Variants in FBN1 observed in about 807,000 individuals in gnomAD.
FBN1 encodes fibrillin 1.
Under a neutral mutation model 365.1 loss-of-function variants are expected in FBN1, and 29 were observed. The ratio of observed to expected loss-of-function variants is 0.08; its 90% CI spans 0.06 to 0.11. The LOEUF (loss-of-function observed/expected upper bound fraction) is 0.11, where lower values mean the gene tolerates loss of function less well. Ranked by LOEUF, FBN1 falls within the 10% of genes least tolerant of loss-of-function variation. FBN1 has a pLI of 1.00. For missense variants in FBN1, 2,476 were observed against 3,703.2 expected, an observed-to-expected ratio of 0.67 and a Z score of 8.60; for synonymous variants, 1,210 against 1,270.5, an observed-to-expected ratio of 0.95 and a Z score of 1.01.
intron 9 of FBN1, among the ~76,000 whole-genome samples, chr15:48,525,192 T>C (rs547797331): frequency 1.3e-5 from 2 of 152,158 alleles, no homozygotes; most frequent in Admixed American, 1.3e-4. Context: ...CTTCCAGTGA[T>C]TCTCCTGCTT....
Position 48,590,088 on chromosome 15 carries a change from AT to A in FBN1, c.538+6194del, listed in dbSNP as rs2044466649. ...TGGAGAATGGGAGTTAGCCTGTGGC[AT>A]TACCTTGGGAACTTTAGTGATAGCC... On this transcript the variant is annotated intron_variant, in intron 6 of 65. Coordinates refer to ENST00000316623, the MANE Select transcript of FBN1 (RefSeq NM_000138.5). Among the ~76,000 whole-genome samples the A allele has an allele frequency of 2.0e-5, 3 of 152,232 alleles. No individual in the cohort carries two copies. In the South Asian group the frequency reaches 6.2e-4, roughly 31 times the overall value.
At chr15:48,589,609 CTTTTTTTTTTTTTTTTT>C (rs756647308) in intron 6 of FBN1, among the ~76,000 whole-genome samples, 1 of 108,720 alleles carries the variant, frequency 9.2e-6, no homozygotes, top group Non-Finnish European at 1.8e-5. Flanking sequence ...TTGTTACTTT[CTTTTTTTTTTTTTTTTT>C]TTTTTGAGAT....
rs61007867 is a variant in FBN1, at chr15:48,532,611, G to A, written c.862+1469C>T. 9.9e-3 allele frequency among the ~76,000 whole-genome samples: 1,508 copies of A among 152,096 alleles called. 22 individuals carry two copies. Among genetic ancestry groups the A allele is most frequent in the African/African-American group, 0.035 (1,437 of 41,478 alleles). ...TGGCTCAGCAAGCACCAGAGTGTGA[G>A]TTAAAGAGGTAAATTTGAGCAGTCT... On this transcript the variant is annotated intron_variant, in intron 8 of 65. Transcript: ENST00000316623.
intron 24 of FBN1, 31 bp downstream of exon 24, chr15:48,492,430 T>C: frequency 6.2e-7 from 1 of 1,604,146 alleles, no homozygotes. Flanking sequence ...TAATAAATTA[T>C]TATTAGAAAA....
chr15:48,583,993 G>C (rs2044416740), intron 6 of FBN1, among the ~76,000 whole-genome samples: 1 of 152,066 alleles, frequency 6.6e-6, no homozygotes, highest in Admixed American at 6.6e-5. Context: ...ACTTCTAAGT[G>C]GAAAAAATGG....
chr15:48,448,520 C>A (rs1157153125), intron 46 of FBN1, among the ~76,000 whole-genome samples: 1 of 152,008 alleles, frequency 6.6e-6, no homozygotes, highest in Non-Finnish European at 1.5e-5. Flanking sequence ...GTATTAATAT[C>A]TTTTTCAATT....
Position 48,410,981 on chromosome 15 carries a change from G to C in FBN1, c.*9C>G. On this transcript the variant is annotated 3_prime_UTR_variant, in exon 66 of 66. Coordinates refer to ENST00000316623, the MANE Select transcript of FBN1 (RefSeq NM_000138.5). ...TTTTCTTTTAATTATTTGGTCTCTG[G>C]ATGGTGAATTAATGAAGCAAAACCT... 6.2e-7 allele frequency: 1 copy of C among 1,612,090 alleles called. No individual in the cohort carries two copies.
chr15:48,591,854 C>T (rs2044479942), intron 6 of FBN1, among the ~76,000 whole-genome samples: 1 of 152,000 alleles, frequency 6.6e-6, no homozygotes, highest in South Asian at 2.1e-4. Flanking sequence ...CCAAGTACTA[C>T]ACAGTGGCTA....
At chr15:48,600,322 G>A in intron 4 of FBN1, 88 bp from the exon 5 acceptor site, 1 of 940,698 alleles carries the variant, frequency 1.1e-6, no homozygotes, top group Non-Finnish European at 1.7e-6. Flanking sequence ...GTTATTTGAA[G>A]AGAAAATCAA....
chr15:48,468,285 G>A, intron 37 of FBN1, 127 bp downstream of exon 37: 1 of 1,380,208 alleles, frequency 7.2e-7, no homozygotes, highest in East Asian at 2.4e-5. Context: ...TGAATCTAAA[G>A]TAGAGTTAGG....
chr15:48,576,039 G>A (rs889604512), intron 6 of FBN1, among the ~76,000 whole-genome samples: 1 of 152,100 alleles, frequency 6.6e-6, no homozygotes, highest in African/African-American at 2.4e-5. Context: ...AAACTCACAT[G>A]GAGTGGTCTC....
At chr15:48,435,402 C>T (rs2141237961) in intron 53 of FBN1, among the ~76,000 whole-genome samples, 1 of 151,648 alleles carries the variant, frequency 6.6e-6, no homozygotes, top group East Asian at 1.9e-4. Context: ...TTTGGCCTTA[C>T]ATTACATCAC....
Position 48,613,734 on chromosome 15 carries a change from C to T in FBN1, c.165-642G>A, listed in dbSNP as rs533227656. ...CTTGAGGTAATGAATTCAAGACCAG[C>T]CTGGCCAACATGGTGAAACCCCATC... On this transcript the variant is annotated intron_variant, in intron 2 of 65. Transcript: ENST00000316623. Among the ~76,000 whole-genome samples the T allele has an allele frequency of 1.1e-3, 161 of 152,276 alleles. 1 individual carries two copies. Among genetic ancestry groups the T allele is most frequent in the Middle Eastern group, 6.8e-3 (2 of 294 alleles).
chr15:48,607,589 A>G (rs1165861850), intron 4 of FBN1, among the ~76,000 whole-genome samples: 1 of 151,620 alleles, frequency 6.6e-6, no homozygotes, highest in Admixed American at 6.6e-5. Flanking sequence ...CACAGAAAGC[A>G]CCATCTAGGA....
intron 6 of FBN1, among the ~76,000 whole-genome samples, chr15:48,555,968 G>A (rs1829687784): frequency 6.6e-6 from 1 of 152,152 alleles, no homozygotes; most frequent in Non-Finnish European, 1.5e-5. Context: ...TAACTCTAAT[G>A]TCTCCCAAAT....
intron 6 of FBN1, among the ~76,000 whole-genome samples, chr15:48,582,312 G>A (rs2044400208): frequency 6.6e-6 from 1 of 152,168 alleles, no homozygotes. Flanking sequence ...CCCGTGTGGA[G>A]TATAAAATTA....
chr15:48,505,536 A>C (rs1160355870), intron 15 of FBN1, among the ~76,000 whole-genome samples: 4 of 152,194 alleles, frequency 2.6e-5, no homozygotes, highest in Non-Finnish European at 5.9e-5. Context: ...AAACTACAGG[A>C]AGACTTTCCT....
At chr15:48,615,502 G>C (rs1028111334) in intron 2 of FBN1, among the ~76,000 whole-genome samples, 1 of 151,930 alleles carries the variant, frequency 6.6e-6, no homozygotes, top group Non-Finnish European at 1.5e-5. Context: ...TTAATGTTTA[G>C]AATCAATCTA....
rs528615684 is a variant in FBN1, at chr15:48,420,422, C to T, written c.7819+265G>A. ...TGTGGGCTGATGACTAGCAGTGCAG[C>T]GGGAGGGTGGAGGATATTGCGCTTC... is the stretch of plus-strand genomic sequence containing the variant. On this transcript the variant is annotated intron_variant, in intron 63 of 65. Coordinates refer to ENST00000316623, the MANE Select transcript of FBN1 (RefSeq NM_000138.5). Among the ~76,000 whole-genome samples the T allele has an allele frequency of 9.9e-5, 15 of 152,196 alleles. No individual in the cohort carries two copies. In the South Asian group the frequency reaches 1.5e-3, roughly 15 times the overall value.
Sources: allele counts gnomAD v4.1 joint callset (sites outside exome capture counted in the v4.1 genomes callset), GRCh38; gene constraint gnomAD v4.1.1; transcripts MANE v1.5; gene names NCBI Gene and HGNC (gene_info 2026-07-23, HGNC 2026-07-21).